RIT2: variants seen among roughly 807,000 people sequenced by gnomAD.
RIT2 encodes the protein GTP-binding protein Rit2.
In RIT2, 24 loss-of-function variants were observed where a neutral mutation model predicts 23.7. That is an observed-to-expected ratio of 1.01 (90% CI 0.73 to 1.43). The LOEUF is 1.43. RIT2 is among the 40% of genes most tolerant of loss of function. RIT2 has a pLI of 0.00. For missense variants in RIT2, 236 were observed against 266.9 expected, an observed-to-expected ratio of 0.88 and a Z score of 0.81; for synonymous variants, 107 against 91.1, an observed-to-expected ratio of 1.17 and a Z score of -0.99.
rs115133617 is a variant in RIT2, at chr18:42,980,569, G to A, written c.161-6422C>T. Among the ~76,000 whole-genome samples the A allele has an allele frequency of 5.8e-3, 880 of 152,228 alleles. 10 individuals carry two copies. The highest frequency in any genetic ancestry group is 0.02 in the African/African-American group (838 of 41,544). On this transcript the variant is annotated intron_variant, in intron 2 of 4. Transcript: ENST00000326695. ...CCAGTGTTACTGCTCTGGAAAGTCT[G>A]CCCAAAGTGGCCAATCACACACTTT... is the stretch of plus-strand genomic sequence containing the variant.
intron 2 of RIT2, among the ~76,000 whole-genome samples, chr18:43,024,299 A>C (rs1911660635): frequency 6.6e-6 from 1 of 152,126 alleles, no homozygotes; most frequent in Non-Finnish European, 1.5e-5. Context: ...GAAAACATAC[A>C]CTGGAGAAAG....
chr18:42,800,518 CTTTTTTTT>C (rs147481524), intron 4 of RIT2, among the ~76,000 whole-genome samples: 9 of 144,498 alleles, frequency 6.2e-5, no homozygotes, highest in African/African-American at 1.5e-4. Flanking sequence ...CAGTTACATT[CTTTTTTTT>C]TTTTTTTTTT....
intron 1 of RIT2, among the ~76,000 whole-genome samples, chr18:43,094,114 G>GTTTTTTTTTTTTTT (rs796958736): frequency 1.6e-5 from 1 of 63,486 alleles, no homozygotes. Flanking sequence ...GTATTAGTGG[G>GTTTTTTTTTTTTTT]TTTTTTTTGT....
At chr18:42,901,213 A>T (rs1908467861) in intron 4 of RIT2, among the ~76,000 whole-genome samples, 1 of 152,086 alleles carries the variant, frequency 6.6e-6, no homozygotes, top group Non-Finnish European at 1.5e-5. Context: ...GTTTAATATT[A>T]TGTGTAAGAA....
At chr18:43,050,681 G>A (rs1423700284) in intron 1 of RIT2, among the ~76,000 whole-genome samples, 1 of 151,986 alleles carries the variant, frequency 6.6e-6, no homozygotes, top group Non-Finnish European at 1.5e-5. Flanking sequence ...CTGCCTTTCT[G>A]ATTATGGGTT....
intron 4 of RIT2, among the ~76,000 whole-genome samples, chr18:42,797,121 T>C (rs1025747137): frequency 6.6e-6 from 1 of 152,196 alleles, no homozygotes; most frequent in Non-Finnish European, 1.5e-5. Context: ...CCTCAGGAGA[T>C]GGCCTGAGCA....
At chr18:42,914,665 A>T (rs1431590101) in intron 4 of RIT2, among the ~76,000 whole-genome samples, 1 of 152,030 alleles carries the variant, frequency 6.6e-6, no homozygotes, top group Non-Finnish European at 1.5e-5. Context: ...GAAGGGCCTC[A>T]GAGTAATGGC....
At chr18:42,832,890 T>C (rs1292335100) in intron 4 of RIT2, among the ~76,000 whole-genome samples, 1 of 151,644 alleles carries the variant, frequency 6.6e-6, no homozygotes, top group Admixed American at 6.6e-5. Context: ...CCGTCTCTAT[T>C]AAAAATACAA....
At chr18:42,880,120 T>G (rs1340219308) in intron 4 of RIT2, among the ~76,000 whole-genome samples, 1 of 152,140 alleles carries the variant, frequency 6.6e-6, no homozygotes, top group Non-Finnish European at 1.5e-5. Context: ...AAATCCAATC[T>G]TTTTGTACCT....
intron 4 of RIT2, among the ~76,000 whole-genome samples, chr18:42,857,124 C>T (rs914729540): frequency 4.6e-5 from 5 of 109,080 alleles, no homozygotes; most frequent in Admixed American, 1.8e-4. Context: ...CCGGCCAAGA[C>T]GTTTTTAATT....
At chr18:42,958,883 C>T (rs1458440324) in intron 3 of RIT2, among the ~76,000 whole-genome samples, 1 of 152,146 alleles carries the variant, frequency 6.6e-6, no homozygotes, top group East Asian at 1.9e-4. Context: ...AAAAAGACAA[C>T]CCCACTTTTA....
At chr18:43,065,424 G>A (rs1418719078) in intron 1 of RIT2, among the ~76,000 whole-genome samples, 2 of 151,522 alleles carry the variant, frequency 1.3e-5, no homozygotes, top group Non-Finnish European at 2.9e-5. Context: ...AAACATGCAA[G>A]GTAAATCACA....
intron 4 of RIT2, among the ~76,000 whole-genome samples, chr18:42,882,034 T>C (rs1907909438): frequency 6.6e-6 from 1 of 152,370 alleles, no homozygotes; most frequent in South Asian, 2.1e-4. Context: ...TTCATGCTTT[T>C]TTCAAAGTAG....
chr18:42,997,168 T>G (rs892913429), intron 2 of RIT2, among the ~76,000 whole-genome samples: 3 of 152,182 alleles, frequency 2.0e-5, no homozygotes, highest in East Asian at 3.9e-4. Flanking sequence ...TTTCTCTCCC[T>G]TCTGAGGCAA....
chr18:43,012,897 G>A (rs1317459757), intron 2 of RIT2, among the ~76,000 whole-genome samples: 1 of 151,610 alleles, frequency 6.6e-6, no homozygotes, highest in Non-Finnish European at 1.5e-5. Context: ...ACATGCAAAG[G>A]TCACACATTT....
intron 4 of RIT2, among the ~76,000 whole-genome samples, chr18:42,897,820 T>TA (rs1908372026): frequency 6.6e-6 from 1 of 152,184 alleles, no homozygotes; most frequent in South Asian, 2.1e-4. Flanking sequence ...CTATCAAGTA[T>TA]AAAGATGCCT....
intron 4 of RIT2, among the ~76,000 whole-genome samples, chr18:42,903,713 GCTGT>G (rs1908539648): frequency 6.6e-6 from 1 of 152,010 alleles, no homozygotes; most frequent in African/African-American, 2.4e-5. Flanking sequence ...AACAGATAAT[GCTGT>G]CTATCACAGA....
intron 1 of RIT2, among the ~76,000 whole-genome samples, chr18:43,092,677 G>A (rs1346100526): frequency 6.6e-6 from 1 of 151,998 alleles, no homozygotes; most frequent in Non-Finnish European, 1.5e-5. Context: ...CTGTTATCGA[G>A]ACAGAAGCTC....
intron 4 of RIT2, among the ~76,000 whole-genome samples, chr18:42,760,059 A>T (rs647925): frequency 6.6e-6 from 1 of 152,170 alleles, no homozygotes; most frequent in African/African-American, 2.4e-5. Flanking sequence ...TTATAGGCAT[A>T]AGCCACCGCA....
Sources: gnomAD v4.1 joint callset for allele counts (sites outside exome capture counted in the v4.1 genomes callset) on GRCh38, gnomAD v4.1.1 for gene constraint, MANE v1.5 for transcripts, NCBI Gene and HGNC (gene_info 2026-07-23, HGNC 2026-07-21) for gene names.